Variants in PHACTR4 observed in about 807,000 individuals in gnomAD.
PHACTR4 encodes the protein phosphatase and actin regulator 4, also known as protein phosphatase 1, regulatory subunit 124.
A neutral mutation model predicts 72.7 loss-of-function variants in PHACTR4; 51 were observed. That is an observed-to-expected ratio of 0.70 (90% CI 0.56 to 0.89). The LOEUF (loss-of-function observed/expected upper bound fraction) is 0.89. Among genes scored for constraint, PHACTR4 ranks in the 40% least tolerant of loss-of-function variants. PHACTR4 has a pLI of 0.00. For synonymous variants in PHACTR4, 255 were observed against 302.5 expected, an observed-to-expected ratio of 0.84 and a Z score of 1.63; for missense variants, 731 against 861.8, an observed-to-expected ratio of 0.85 and a Z score of 1.90.
chr1:28,411,090 A>G lies in PHACTR4; in HGVS notation c.16+3627A>G, dbSNP rs910764339. On this transcript the variant is annotated intron_variant, in intron 2 of 13. Transcript: ENST00000373839. ...GAGGTGGAGTCTTGCTCTGTCACCCAGGCTGGAGTACAATGGTGTGATCTC... is the reference window on the plus strand; with the variant it reads ...GAGGTGGAGTCTTGCTCTGTCACCCGGGCTGGAGTACAATGGTGTGATCTC... 8.6e-5 allele frequency among the ~76,000 whole-genome samples: 13 copies of G among 151,756 alleles called. 1 individual carries two copies. Among genetic ancestry groups the G allele is most frequent in the South Asian group, 6.2e-4 (3 of 4,802 alleles).
At chr1:28,435,549 G>A (rs1016336633) in intron 2 of PHACTR4, among the ~76,000 whole-genome samples, 2 of 152,208 alleles carry the variant, frequency 1.3e-5, no homozygotes, top group Non-Finnish European at 2.9e-5. Context: ...ATAGGCGTGA[G>A]CCACCACGTC....
chr1:28,444,019 A>G (rs935849879), intron 2 of PHACTR4, among the ~76,000 whole-genome samples: 10 of 151,694 alleles, frequency 6.6e-5, no homozygotes, highest in African/African-American at 2.2e-4. Context: ...ACTGTTCCCC[A>G]TAGTGGCTAT....
chr1:28,466,212 A>G (rs1409078024), intron 5 of PHACTR4, among the ~76,000 whole-genome samples, 170 bp from the exon 6 acceptor site: 2 of 152,180 alleles, frequency 1.3e-5, no homozygotes, highest in Non-Finnish European at 2.9e-5. Flanking sequence ...AGCCTTTCTT[A>G]CTGACATTTC....
At chr1:28,452,796 A>T (rs1658071333) in intron 2 of PHACTR4, among the ~76,000 whole-genome samples, 1 of 150,166 alleles carries the variant, frequency 6.7e-6, no homozygotes, top group East Asian at 2.0e-4. Flanking sequence ...ACTCCATCTC[A>T]AAAAATAAAA....
chr1:28,397,297 T>C (rs1440586084), intron 1 of PHACTR4, among the ~76,000 whole-genome samples: 1 of 152,190 alleles, frequency 6.6e-6, no homozygotes, highest in Non-Finnish European at 1.5e-5. Context: ...TAATCCCACT[T>C]GAATCCCCAA....
chr1:28,484,303 A>AGATG lies in PHACTR4; in HGVS notation c.1760+3701_1760+3702insTGGA, dbSNP rs1660483687. 2.0e-5 allele frequency among the ~76,000 whole-genome samples: 3 copies of AGATG among 152,288 alleles called. No homozygotes were observed. The South Asian group carries it at 6.2e-4, about 32-fold the overall frequency. ...ACCATGGCACTCCAGTCTGGACGACAGAGTAAGACTCCATCTCAAAAAATA... is the reference window on the plus strand; with the variant it reads ...ACCATGGCACTCCAGTCTGGACGACAGATGGAGTAAGACTCCATCTCAAAAAATA... On this transcript the variant is annotated intron_variant, in intron 9 of 13. Coordinates refer to ENST00000373839, the MANE Select transcript of PHACTR4 (RefSeq NM_001048183.3).
At chr1:28,407,618 T>TA (rs1654451391) in intron 2 of PHACTR4, among the ~76,000 whole-genome samples, 155 bp downstream of exon 2, 2 of 152,292 alleles carry the variant, frequency 1.3e-5, no homozygotes, top group Middle Eastern at 3.4e-3. Context: ...AGAATTCAGT[T>TA]ATATATTTAA....
At chr1:28,392,986 G>A (rs1653176506) in intron 1 of PHACTR4, among the ~76,000 whole-genome samples, 1 of 152,102 alleles carries the variant, frequency 6.6e-6, no homozygotes, top group Non-Finnish European at 1.5e-5. Flanking sequence ...TTTGTGGGTG[G>A]GAGACATGAA....
At chr1:28,455,198 C>CTTTCTTTTTTTTTTTTTT (rs1250815977) in intron 2 of PHACTR4, among the ~76,000 whole-genome samples, 1 of 85,974 alleles carries the variant, frequency 1.2e-5, no homozygotes, top group Non-Finnish European at 2.1e-5. Context: ...TTCTTTCTTT[C>CTTTCTTTTTTTTTTTTTT]TTTTTTTTTT....
chr1:28,439,903 A>G (rs975046461), intron 2 of PHACTR4, among the ~76,000 whole-genome samples: 2 of 152,256 alleles, frequency 1.3e-5, no homozygotes, highest in African/African-American at 4.8e-5. Context: ...TGAGATGGAA[A>G]TGAAAGGGCT....
intron 9 of PHACTR4, among the ~76,000 whole-genome samples, chr1:28,483,969 T>C (rs886180407): frequency 2.0e-5 from 3 of 151,994 alleles, no homozygotes; most frequent in African/African-American, 4.8e-5. Context: ...TGTGGAAGAA[T>C]TGCTTGAGGC....
At chr1:28,376,604 C>T (rs1557771601) in intron 1 of PHACTR4, among the ~76,000 whole-genome samples, 2 of 151,820 alleles carry the variant, frequency 1.3e-5, no homozygotes, top group Admixed American at 6.6e-5. Context: ...GCTGGGATTA[C>T]AGGCGTGAGC....
intron 5 of PHACTR4, among the ~76,000 whole-genome samples, chr1:28,466,113 T>C (rs750645816): frequency 1.3e-5 from 2 of 152,172 alleles, no homozygotes; most frequent in South Asian, 2.1e-4. Context: ...ACATTCCACT[T>C]CTTTCACCCA....
intron 1 of PHACTR4, among the ~76,000 whole-genome samples, chr1:28,376,680 A>G (rs1429682495): frequency 2.6e-5 from 4 of 151,010 alleles, no homozygotes; most frequent in Non-Finnish European, 4.4e-5. Flanking sequence ...TCTGTCGCCC[A>G]GGCTGGAGTG....
rs1242867063 is a variant in PHACTR4, at chr1:28,466,385, C to G, written c.440C>G (p.Ser147Ter). Residue 147 changes from serine (S) to a stop codon, truncating the protein, a stop_gained, in exon 6 of 14, where the codon TCA becomes TGA. Transcript: ENST00000373839. LOFTEE classifies it high-confidence loss of function. ...TACCATACATGTTATTACACAGGCT[C>G]AACTGGAAGCCAGCCTAATTCTGAA... ...PEEDLKKRLG[S>*]TGSQPNSEAE... The G allele has an allele frequency of 6.2e-7, 1 of 1,609,172 alleles. No individual in the cohort carries two copies. The highest frequency in any genetic ancestry group is 1.3e-5 in the African/African-American group (1 of 74,820).
chr1:28,463,011 C>T (rs990425063), intron 4 of PHACTR4, among the ~76,000 whole-genome samples: 1 of 152,132 alleles, frequency 6.6e-6, no homozygotes, highest in African/African-American at 2.4e-5. Context: ...CCAGCCTGAG[C>T]AACATAGTGA....
chr1:28,461,224 A>G (rs1050894216), intron 4 of PHACTR4, among the ~76,000 whole-genome samples: 3 of 151,924 alleles, frequency 2.0e-5, no homozygotes, highest in East Asian at 3.9e-4. Flanking sequence ...CAGAACACTT[A>G]AGGTCAGGAG....
In PHACTR4 at chr1:28,473,673, A is replaced by G. The variant is rs1371437790; in HGVS notation, c.943A>G (p.Thr315Ala). Residue 315 changes from threonine to alanine, a missense_variant, in exon 7 of 14, where the codon ACC becomes GCC. Coordinates refer to ENST00000373839, the MANE Select transcript of PHACTR4 (RefSeq NM_001048183.3). Reference protein sequence around the residue: ...VPTLESAAAITTKTPSDEREK... With the variant: ...VPTLESAAAIATKTPSDEREK... ...CACCTTGGAGTCTGCTGCTGCCATC[A>G]CCACAAAAACACCAAGTGATGAAAG... is the stretch of plus-strand genomic sequence containing the variant. 3 of 1,613,940 alleles carry G rather than the reference A, an allele frequency of 1.9e-6. No individual in the cohort carries two copies. The Admixed American group carries it at 5.0e-5, about 27-fold the overall frequency.
chr1:28,380,546 C>T (rs1652085418), intron 1 of PHACTR4, among the ~76,000 whole-genome samples: 1 of 152,068 alleles, frequency 6.6e-6, no homozygotes, highest in South Asian at 2.1e-4. Flanking sequence ...AGTGTTGTTC[C>T]CCTCTGTGTC....
Sources: allele counts gnomAD v4.1 joint callset (sites outside exome capture counted in the v4.1 genomes callset), GRCh38; gene constraint gnomAD v4.1.1; transcripts MANE v1.5; gene names NCBI Gene and HGNC (gene_info 2026-07-23, HGNC 2026-07-21).